PLCE1: variants seen among roughly 807,000 people sequenced by gnomAD.
PLCE1 encodes 1-phosphatidylinositol 4,5-bisphosphate phosphodiesterase epsilon-1.
Under a neutral mutation model 242.8 loss-of-function variants are expected in PLCE1, and 119 were observed. The observed-to-expected ratio is 0.49, with a 90% confidence interval of 0.42 to 0.57. The LOEUF is 0.57. Ranked by LOEUF, PLCE1 falls within the 20% of genes least tolerant of loss-of-function variation. The probability of loss-of-function intolerance (pLI) is 0.00; values close to 1 mark genes in which losing one functional copy is unlikely to be tolerated. For missense variants in PLCE1, 2,441 were observed against 2,788.8 expected (o/e 0.88, Z 2.81); for synonymous variants, 945 against 1,017.4 (o/e 0.93, Z 1.35).
At position 94,252,019 on chromosome 10, in the gene PLCE1, G is replaced by A. The variant is rs1282880789; in HGVS notation, c.3097-297G>A. ...AAGTCTAAATGAATTTTCCTACAGTGGTAGTTCTGCAATTTAACCTCTGTA... is the reference window on the plus strand; with the variant it reads ...AAGTCTAAATGAATTTTCCTACAGTAGTAGTTCTGCAATTTAACCTCTGTA... On this transcript the variant is annotated intron_variant, in intron 8 of 32. Coordinates refer to ENST00000371380, the MANE Select transcript of PLCE1 (RefSeq NM_016341.4). 2.0e-5 allele frequency among the ~76,000 whole-genome samples: 3 copies of A among 150,992 alleles called. No individual in the cohort carries two copies. In the East Asian group the frequency reaches 5.8e-4, roughly 29 times the overall value.
chr10:94,206,524 T>C (rs1297824384), intron 4 of PLCE1, among the ~76,000 whole-genome samples: 2 of 152,262 alleles, frequency 1.3e-5, no homozygotes, highest in South Asian at 2.1e-4. Flanking sequence ...GTAGCCATGG[T>C]TGATTCTTTT....
intron 4 of PLCE1, among the ~76,000 whole-genome samples, chr10:94,220,800 T>C (rs571631669): frequency 2.6e-5 from 4 of 152,286 alleles, no homozygotes; most frequent in Admixed American, 1.3e-4. Context: ...AGTATGCCCA[T>C]TTTACTGAAA....
rs547709235 is a variant in PLCE1 at position 94,176,742 on chromosome 10, A to G, written c.1809+5246A>G. 2.0e-5 allele frequency among the ~76,000 whole-genome samples: 3 copies of G among 152,306 alleles called. No homozygotes were observed. In the East Asian group the frequency reaches 5.8e-4, roughly 29 times the overall value. On this transcript the variant is annotated intron_variant, in intron 4 of 32. Coordinates refer to ENST00000371380, the MANE Select transcript of PLCE1 (RefSeq NM_016341.4). ...TCTTAGAAGCAGTGTACTGTGGTAG[A>G]TATGCACTAAGGAAAGTAAATAGCA...
chr10:94,243,311 G>A (rs565798458), intron 7 of PLCE1, among the ~76,000 whole-genome samples: 40 of 152,228 alleles, frequency 2.6e-4, no homozygotes, highest in African/African-American at 9.1e-4. Flanking sequence ...CACCTGAGCA[G>A]TACTCCTCCA....
chr10:94,240,308 T>G (rs1245668113), intron 7 of PLCE1, among the ~76,000 whole-genome samples: 1 of 152,218 alleles, frequency 6.6e-6, no homozygotes, highest in East Asian at 1.9e-4. Context: ...ATTCTTTCCA[T>G]ATATTAAACT....
intron 8 of PLCE1, among the ~76,000 whole-genome samples, chr10:94,250,198 C>A (rs1684401426): frequency 1.3e-5 from 2 of 150,860 alleles, no homozygotes; most frequent in South Asian, 4.2e-4. Context: ...TAGTCCATCT[C>A]CCACATTAAA....
intron 23 of PLCE1, among the ~76,000 whole-genome samples, chr10:94,295,600 A>T (rs1197042664): frequency 1.3e-5 from 2 of 152,208 alleles, no homozygotes; most frequent in Non-Finnish European, 2.9e-5. Flanking sequence ...CCCATGAATC[A>T]TGAATGCTCT....
chr10:94,218,378 G>A (rs1483852965), intron 4 of PLCE1, among the ~76,000 whole-genome samples: 3 of 152,114 alleles, frequency 2.0e-5, no homozygotes, highest in Admixed American at 6.5e-5. Context: ...AATTCCGTAT[G>A]ATTTCCAGCT....
chr10:94,132,271 G>A lies in PLCE1; in HGVS notation c.1304G>A (p.Arg435Lys). Residue 435 changes from arginine (R) to lysine (K), a missense_variant, in exon 3 of 33, where the codon AGG (arginine) becomes AAG (lysine). Physicochemically the swap from Arg to Lys is conservative, Grantham distance 26. Coordinates refer to ENST00000371380, the MANE Select transcript of PLCE1 (RefSeq NM_016341.4). ...KLPASETAHG[R>K]ISVGPCLKQC... ...CCAGCCTCCGAGACAGCCCATGGAA[G>A]GATAAGCGTTGGTCCATGCTTAAAG... is the stretch of plus-strand genomic sequence containing the variant. 1 of 1,613,990 alleles carries A rather than the reference G, an allele frequency of 6.2e-7. No individual in the cohort carries two copies. The highest frequency in any genetic ancestry group is 8.5e-7 in the Non-Finnish European group (1 of 1,179,972).
chr10:94,311,729 T>C (rs2053392986), intron 27 of PLCE1, among the ~76,000 whole-genome samples: 1 of 152,216 alleles, frequency 6.6e-6, no homozygotes, highest in Non-Finnish European at 1.5e-5. Flanking sequence ...TCCTCTGGGT[T>C]TGCCACCTCT....
Position 94,132,193 on chromosome 10 carries a change from G to A in PLCE1, c.1226G>A (p.Arg409Lys). ...TCACAGATCTACAATGCAGTGAGAA[G>A]AGAAGAAACAGAAAATACAGTTGGA... ...QWYPIYNAVR[R>K]EETENTVGSL... The change falls in exon 3 of 33, where the codon AGA becomes AAA. Residue 409 changes from arginine to lysine, a missense_variant. By Grantham distance (26) the Arg-to-Lys change is conservative. Around this residue, in one of 5 missense-constraint regions of PLCE1, gnomAD observed 733 missense variants for 754.2 expected, o/e 0.97. Coordinates refer to ENST00000371380, the MANE Select transcript of PLCE1 (RefSeq NM_016341.4). 6.2e-7 allele frequency: 1 copy of A among 1,614,110 alleles called. No individual in the cohort carries two copies. Among genetic ancestry groups the A allele is most frequent in the Non-Finnish European group, 8.5e-7 (1 of 1,179,984 alleles).
chr10:94,154,356 A>G (rs2047362985), intron 3 of PLCE1, among the ~76,000 whole-genome samples: 1 of 152,186 alleles, frequency 6.6e-6, no homozygotes, highest in Non-Finnish European at 1.5e-5. Context: ...AAGACCTAGA[A>G]CTATAAAACT....
intron 4 of PLCE1, among the ~76,000 whole-genome samples, chr10:94,212,834 T>C (rs141162862): frequency 3.3e-5 from 5 of 152,204 alleles, no homozygotes; most frequent in Non-Finnish European, 7.3e-5. Flanking sequence ...AACAACACTT[T>C]CCAGAATATT....
At chr10:94,168,829 T>C (rs1056449546) in intron 3 of PLCE1, among the ~76,000 whole-genome samples, 7 of 152,200 alleles carry the variant, frequency 4.6e-5, no homozygotes, top group Admixed American at 6.5e-5. Context: ...AGAGTTCTTA[T>C]ATTTGGCTAA....
chr10:94,115,274 T>C (rs2046088088), intron 2 of PLCE1, among the ~76,000 whole-genome samples: 1 of 152,210 alleles, frequency 6.6e-6, no homozygotes, highest in Non-Finnish European at 1.5e-5. Context: ...ATCCTTTGGG[T>C]ATATACCCAG....
intron 1 of PLCE1, among the ~76,000 whole-genome samples, chr10:94,016,206 A>G (rs919276352): frequency 6.6e-6 from 1 of 152,156 alleles, no homozygotes. Flanking sequence ...ATGTCCAAAA[A>G]TTATTCCTTT....
At chr10:94,266,857 C>A (rs973725366) in intron 16 of PLCE1, among the ~76,000 whole-genome samples, 5 of 152,200 alleles carry the variant, frequency 3.3e-5, no homozygotes, top group African/African-American at 7.2e-5. Flanking sequence ...GTATTTTAAA[C>A]TCTATTTTCT....
intron 3 of PLCE1, chr10:94,137,924 A>G (rs1023724698): frequency 5.2e-6 from 2 of 383,134 alleles, no homozygotes; most frequent in African/African-American, 2.1e-5. Context: ...TGCTGAGGAG[A>G]TGACCAAGTA....
chr10:94,096,724 G>A (rs1025580381), intron 2 of PLCE1: 1 of 152,176 alleles, frequency 6.6e-6, no homozygotes, highest in African/African-American at 2.4e-5. Context: ...TCACATGATG[G>A]TTATGAAGAC....
Sources: gnomAD v4.1 joint callset for allele counts (sites outside exome capture counted in the v4.1 genomes callset) on GRCh38, gnomAD v4.1.1 for gene constraint, gnomAD v4.1.1 regional missense constraint, MANE v1.5 for transcripts, NCBI Gene and HGNC (gene_info 2026-07-23, HGNC 2026-07-21) for gene names.